The following PDZD4 variants were observed in gnomAD, a reference collection of about 807,000 sequenced individuals.
PDZD4 encodes the protein PDZ domain containing 4, also known as PDZ domain-containing protein 4.
Under a neutral mutation model 38.5 loss-of-function variants are expected in PDZD4, and 9 were observed. That is an observed-to-expected ratio of 0.23 (90% CI 0.14 to 0.41). The LOEUF (loss-of-function observed/expected upper bound fraction) is 0.41. Ranked by LOEUF, PDZD4 falls within the 10% of genes least tolerant of loss-of-function variation. The probability of loss-of-function intolerance (pLI) is 1.00; values close to 1 mark genes in which losing one functional copy is unlikely to be tolerated. For missense variants in PDZD4, 612 were observed against 722.0 expected, an observed-to-expected ratio of 0.85 and a Z score of 1.75; for synonymous variants, 349 against 315.7, an observed-to-expected ratio of 1.11 and a Z score of -1.12.
At position 153,803,256 on chromosome X, in the gene PDZD4, C is replaced by A. The variant is rs1557075178; in HGVS notation, c.*97G>T. ...TGTGCGTGCGCACAGCGAGCACGCG[C>A]GCGCGCACACACACACACACACAAT... On this transcript the variant is annotated 3_prime_UTR_variant, in exon 8 of 8. Coordinates refer to ENST00000393758, the MANE Select transcript of PDZD4 (RefSeq NM_001303512.2). 4 of 651,908 alleles carry A rather than the reference C, an allele frequency of 6.1e-6. No homozygotes were observed. The highest frequency in any genetic ancestry group is 6.3e-6 in the Non-Finnish European group (3 of 473,412). 53.7% of individuals were successfully genotyped at this position (651,908 alleles called of 1,213,427 possible).
chrX:153,815,484 C>G (rs1235814913), intron 1 of PDZD4, among the ~76,000 whole-genome samples: 1 of 112,783 alleles, frequency 8.9e-6, no homozygotes, highest in Non-Finnish European at 1.9e-5. Context: ...AAGAATTTGT[C>G]AATAACTATA....
intron 1 of PDZD4, among the ~76,000 whole-genome samples, chrX:153,826,385 C>T (rs1315943380): frequency 9.0e-6 from 1 of 110,520 alleles, no homozygotes; most frequent in Non-Finnish European, 1.9e-5. Flanking sequence ...TTAGTAAGGT[C>T]GCAAGATATA....
At chrX:153,811,392 C>T (rs930481135) in intron 1 of PDZD4, among the ~76,000 whole-genome samples, 4 of 112,300 alleles carry the variant, frequency 3.6e-5, no homozygotes, top group Non-Finnish European at 5.6e-5. Context: ...CTGCCTCAGC[C>T]TCCCAAAGTG....
chrX:153,824,684 G>A (rs1023239556), intron 1 of PDZD4, among the ~76,000 whole-genome samples: 2 of 111,867 alleles, frequency 1.8e-5, no homozygotes, highest in Non-Finnish European at 3.8e-5. Flanking sequence ...ACATGTTGGC[G>A]ATGGTCTCCC....
rs782102008 is a variant in PDZD4, at chrX:153,803,515, G to A, written c.2166C>T (p.Pro722=). 5.0e-6 allele frequency: 6 copies of A among 1,193,594 alleles called. No individual in the cohort carries two copies. In the South Asian group the frequency reaches 9.2e-5, roughly 18 times the overall value. ...LREQQNGDSK[P]ELNIIALSHR... is the part of the protein sequence containing the mutation. ...GGCTCAGGGCAATGATGTTGAGCTC[G>A]GGCTTGCTGTCGCCATTCTGCTGCT... is the stretch of plus-strand genomic sequence containing the variant. Residue 722 remains proline, a synonymous_variant, in exon 8 of 8, where the codon CCC becomes CCT. Coordinates refer to ENST00000393758, the MANE Select transcript of PDZD4 (RefSeq NM_001303512.2).
At chrX:153,829,648 C>T in intron 1 of PDZD4, 1 of 704,631 alleles carries the variant, frequency 1.4e-6, no homozygotes, top group African/African-American at 2.3e-5. Context: ...CCGCGGGGCC[C>T]TGCTGGTCCA....
chrX:153,802,519 C>T lies in PDZD4; in HGVS notation c.*834G>A, dbSNP rs1275022339. 1.8e-5 allele frequency: 2 copies of T among 111,561 alleles called. No individual in the cohort carries two copies. Among genetic ancestry groups the T allele is most frequent in the Non-Finnish European group, 3.8e-5 (2 of 52,909 alleles). The allele number at this position is 111,561 out of a possible 1,213,427, so 9.2% of individuals were successfully genotyped here. ...GCTCCAGATGGTGTGGGGCGCAGAACGGGCTCTGTGACTTCTTGGTGGACA... is the reference window on the plus strand; with the variant it reads ...GCTCCAGATGGTGTGGGGCGCAGAATGGGCTCTGTGACTTCTTGGTGGACA... On this transcript the variant is annotated 3_prime_UTR_variant, in exon 8 of 8. Transcript: ENST00000393758.
Position 153,830,424 on chromosome X carries a change from T to G in PDZD4, c.-126A>C. 7 of 469,668 alleles carry G rather than the reference T, an allele frequency of 1.5e-5. No homozygotes were observed. Among genetic ancestry groups the G allele is most frequent in the Admixed American group, 4.4e-5 (1 of 22,718 alleles). 38.7% of individuals were successfully genotyped at this position (469,668 alleles called of 1,213,427 possible). On this transcript the variant is annotated 5_prime_UTR_variant, in exon 1 of 8. The change abolishes the stop of an existing upstream ORF in the 5' untranslated region. Coordinates refer to ENST00000393758, the MANE Select transcript of PDZD4 (RefSeq NM_001303512.2). ...ACCCTGGCGCGGGGGGCGGGCCGCC[T>G]AGCGGGGGAGGGGGGCACGCCCCCG... is the stretch of plus-strand genomic sequence containing the variant.
chrX:153,804,705 C>T lies in PDZD4; in HGVS notation c.976G>A (p.Asp326Asn). 8.3e-7 allele frequency: 1 copy of T among 1,210,527 alleles called. No homozygotes were observed. The highest frequency in any genetic ancestry group is 1.1e-6 in the Non-Finnish European group (1 of 895,330). Residue 326 changes from aspartate (D) to asparagine (N), a missense_variant, in exon 8 of 8, where the codon GAC (aspartate) becomes AAC (asparagine). By Grantham distance (23) the Asp-to-Asn change is conservative (BLOSUM62 1). Coordinates refer to ENST00000393758, the MANE Select transcript of PDZD4 (RefSeq NM_001303512.2). ...TGGAAGTCCCGGCTCTGCAGGGCGT[C>T]CCCTTGCAGGCCAAACTTGCGCAGG... ...GSLRKFGLQGDALQSRDFHFS... is the reference protein window; with the variant it reads ...GSLRKFGLQGNALQSRDFHFS...
At chrX:153,828,525 G>A (rs1557082981) in intron 1 of PDZD4, among the ~76,000 whole-genome samples, 1 of 112,212 alleles carries the variant, frequency 8.9e-6, no homozygotes, top group African/African-American at 3.2e-5. Context: ...AGAGCAGGGA[G>A]GGCCCACCCA....
chrX:153,815,038 C>T (rs1414481552), intron 1 of PDZD4, among the ~76,000 whole-genome samples: 5 of 113,112 alleles, frequency 4.4e-5, no homozygotes, highest in Non-Finnish European at 7.5e-5. Context: ...GTCCCTGGCA[C>T]TCCGCTGCCC....
chrX:153,829,302 C>T (rs986226843), intron 1 of PDZD4, among the ~76,000 whole-genome samples: 1 of 109,041 alleles, frequency 9.2e-6, no homozygotes, highest in Non-Finnish European at 1.9e-5. Flanking sequence ...CACTTGATTC[C>T]TTCCCAGTCC....
chrX:153,808,098 T>C, intron 2 of PDZD4: 1 of 1,063,983 alleles, frequency 9.4e-7, no homozygotes, highest in Non-Finnish European at 1.2e-6. Context: ...ACCCTGGCAC[T>C]TCCGGCAGCG....
At position 153,804,597 on chromosome X, in the gene PDZD4, G is replaced by A. The variant is rs782354081; in HGVS notation, c.1084C>T (p.Arg362Cys). 8.3e-7 allele frequency: 1 copy of A among 1,209,466 alleles called. No homozygotes were observed. The highest frequency in any genetic ancestry group is 1.1e-6 in the Non-Finnish European group (1 of 895,370). ...TTGATCTCCAGGAGCTCACGGTAGC[G>A]CTCATACTCCTCATCCGTGAGGCCC... ...VPGLTDEEYE[R>C]YRELLEIKCH... The change falls in exon 8 of 8, where the codon CGC becomes TGC. Residue 362 changes from arginine (R) to cysteine (C), a missense_variant. Physicochemically the swap from Arg to Cys is radical, Grantham distance 180. Coordinates refer to ENST00000393758, the MANE Select transcript of PDZD4 (RefSeq NM_001303512.2).
Position 153,803,365 on chromosome X carries a change from G to A in PDZD4, c.2316C>T (p.Val772=), listed in dbSNP as rs956634876. The change falls in exon 8 of 8, where the codon GTC becomes GTT. Residue 772 remains valine (V), a synonymous_variant. Transcript: ENST00000393758. ...GKRVYNPLLS[V]TTV ...CCGCCCGGGCAGCTCACACGGTGGT[G>A]ACTGAGAGAAGAGGGTTGTAGACCC... The A allele has an allele frequency of 2.6e-6, 3 of 1,134,502 alleles. No homozygotes were observed. The highest frequency in any genetic ancestry group is 3.1e-5 in the Admixed American group (1 of 32,755). 93.5% of individuals were successfully genotyped at this position (1,134,502 alleles called of 1,213,427 possible). A position where few individuals can be genotyped will look rare whatever the true frequency, so the allele number is the denominator to read the frequency against.
At chrX:153,816,585 G>A (rs933945801) in intron 1 of PDZD4, among the ~76,000 whole-genome samples, 7 of 111,372 alleles carry the variant, frequency 6.3e-5, no homozygotes, top group African/African-American at 1.6e-4. Flanking sequence ...AGGGAGAGAC[G>A]GTGGATCCAG....
At chrX:153,814,484 C>CG (rs1479041452) in intron 1 of PDZD4, among the ~76,000 whole-genome samples, 17 of 81,041 alleles carry the variant, frequency 2.1e-4, no homozygotes, top group Non-Finnish European at 3.3e-4. Flanking sequence ...CCCCCCACCC[C>CG]CCCCCCAAAA....
At chrX:153,817,098 G>A (rs1333849475) in intron 1 of PDZD4, among the ~76,000 whole-genome samples, 1 of 111,514 alleles carries the variant, frequency 9.0e-6, no homozygotes, top group Middle Eastern at 4.7e-3. Context: ...AAGGAAGCAC[G>A]AGTATTGGAG....
In PDZD4 at chrX:153,804,980, G is replaced by A. The variant is rs925056477; in HGVS notation, c.781-80C>T. ...GGGATGTCACAGGAGGATCGGAAGG[G>A]GCTTCAGGCCTGGTTCATTTCCCTG... On this transcript the variant is annotated intron_variant, in intron 7 of 7. Coordinates refer to ENST00000393758, the MANE Select transcript of PDZD4 (RefSeq NM_001303512.2). The A allele has an allele frequency of 1.3e-4, 144 of 1,122,628 alleles. No homozygotes were observed. The African/African-American group carries it at 2.4e-3, about 19-fold the overall frequency. 92.5% of individuals were successfully genotyped at this position (1,122,628 alleles called of 1,213,427 possible). A position where few individuals can be genotyped will look rare whatever the true frequency, so the allele number is the denominator to read the frequency against.
Sources: allele counts gnomAD v4.1 joint callset (sites outside exome capture counted in the v4.1 genomes callset), GRCh38; gene constraint gnomAD v4.1.1; transcripts MANE v1.5; gene names NCBI Gene and HGNC (gene_info 2026-07-23, HGNC 2026-07-21).